SSH2: variants seen among roughly 807,000 people sequenced by gnomAD.
SSH2 encodes slingshot protein phosphatase 2.
SSH2 carries 37 observed loss-of-function variants against 135.2 expected under a neutral mutation model. That is an observed-to-expected ratio of 0.27 (90% CI 0.21 to 0.36). SSH2 has a LOEUF of 0.36. Ranked by LOEUF, SSH2 falls within the 10% of genes least tolerant of loss-of-function variation. The pLI is 1.00. For synonymous variants in SSH2, 628 were observed against 646.2 expected (o/e 0.97, Z 0.43); for missense variants, 1,408 against 1,765.3 (o/e 0.80, Z 3.63).
At chr17:29,832,855 C>A (rs2042872141) in intron 2 of SSH2, among the ~76,000 whole-genome samples, 1 of 151,860 alleles carries the variant, frequency 6.6e-6, no homozygotes, top group Non-Finnish European at 1.5e-5. Context: ...TTAGTAGAGA[C>A]AGAGTTTTAC....
At chr17:29,756,391 C>G (rs986921131) in intron 3 of SSH2, among the ~76,000 whole-genome samples, 1 of 152,030 alleles carries the variant, frequency 6.6e-6, no homozygotes, top group African/African-American at 2.4e-5. Flanking sequence ...CTGCCTCAGT[C>G]TCTTGAGTAG....
rs775729897 is a variant in SSH2 at position 29,702,964 on chromosome 17, T to A, written c.287A>T (p.His96Leu). 1 of 1,612,418 alleles carries A rather than the reference T, an allele frequency of 6.2e-7. No individual in the cohort carries two copies. The highest frequency in any genetic ancestry group is 8.5e-7 in the Non-Finnish European group (1 of 1,178,478). ...TPRISHRRNK[H>L]AGDLQQHLQA... is the part of the protein sequence containing the mutation. ...GGTGTATATGCAAGCATTACCTGCA[T>A]GCTTGTTCCGTCTGTGGCTGATTCT... Residue 96 changes from histidine to leucine, a missense_variant, in exon 4 of 16, where the codon CAT becomes CTT. Transcript: ENST00000540801.
chr17:29,684,558 C>T lies in SSH2; in HGVS notation c.479+5G>A. 2 of 1,607,546 alleles carry T rather than the reference C, an allele frequency of 1.2e-6. No individual in the cohort carries two copies. Among genetic ancestry groups the T allele is most frequent in the Non-Finnish European group, 1.7e-6 (2 of 1,176,534 alleles). On this transcript the variant is annotated splice_donor_5th_base_variant and intron_variant, in intron 6 of 15. Transcript: ENST00000540801. ...TTTTCACATTTTGAAATGGTACCAC[C>T]ATACCTGTCATTAGAGGAGAAATCC...
rs547435649 is a variant in SSH2, at chr17:29,846,461, T to C, written c.144+2388A>G. Among the ~76,000 whole-genome samples the C allele has an allele frequency of 1.0e-3, 158 of 152,244 alleles. 1 individual carries two copies. Among genetic ancestry groups the C allele is most frequent in the Non-Finnish European group, 2.0e-3 (133 of 68,040 alleles). On this transcript the variant is annotated intron_variant, in intron 2 of 15. Transcript: ENST00000540801. Reference sequence around the variant, plus strand: ...ATTTCATGTCAGCACTGCTCCTGCTTATCACACAACACTGGACAAAGATTA... The same window carrying C: ...ATTTCATGTCAGCACTGCTCCTGCTCATCACACAACACTGGACAAAGATTA...
At chr17:29,691,111 C>T (rs547784223) in intron 5 of SSH2, among the ~76,000 whole-genome samples, 38 of 152,026 alleles carry the variant, frequency 2.5e-4, no homozygotes, top group Non-Finnish European at 5.3e-4. Flanking sequence ...AAAAACCCCA[C>T]ATAATACATT....
intron 3 of SSH2, among the ~76,000 whole-genome samples, chr17:29,729,573 GA>G (rs2040112265): frequency 6.6e-6 from 1 of 152,204 alleles, no homozygotes; most frequent in Admixed American, 6.5e-5. Context: ...TATAAAAAGA[GA>G]TATCTGTACT....
intron 2 of SSH2, among the ~76,000 whole-genome samples, chr17:29,835,352 T>C (rs1403218308): frequency 6.6e-6 from 1 of 152,224 alleles, no homozygotes; most frequent in Non-Finnish European, 1.5e-5. Context: ...CAAAACGGCA[T>C]TGCACTGGAC....
intron 5 of SSH2, among the ~76,000 whole-genome samples, chr17:29,688,600 G>T (rs970103790): frequency 6.6e-6 from 1 of 152,010 alleles, no homozygotes; most frequent in Admixed American, 6.6e-5. Context: ...AAAGAGCTGG[G>T]ACCACAAGTG....
At chr17:29,823,532 A>G in intron 2 of SSH2, among the ~76,000 whole-genome samples, 1 of 151,650 alleles carries the variant, frequency 6.6e-6, no homozygotes, top group South Asian at 2.1e-4. Context: ...CTAACATCGA[A>G]CTCCAGGGTA....
intron 3 of SSH2, among the ~76,000 whole-genome samples, chr17:29,768,940 T>A (rs900590911): frequency 6.6e-6 from 1 of 151,994 alleles, no homozygotes; most frequent in African/African-American, 2.4e-5. Context: ...CATGGCCAGG[T>A]GTGGTGGCTC....
intron 1 of SSH2, among the ~76,000 whole-genome samples, chr17:29,879,081 C>T (rs1367752120): frequency 6.6e-6 from 1 of 151,988 alleles, no homozygotes; most frequent in Admixed American, 6.6e-5. Flanking sequence ...AAAATGTGTC[C>T]AGAAGTATAT....
At chr17:29,914,069 C>T (rs1329071477) in intron 1 of SSH2, among the ~76,000 whole-genome samples, 1 of 152,122 alleles carries the variant, frequency 6.6e-6, no homozygotes, top group Non-Finnish European at 1.5e-5. Flanking sequence ...CTGCACAGTC[C>T]TAGTGAAGGG....
At chr17:29,782,121 T>C (rs539798888) in intron 3 of SSH2, among the ~76,000 whole-genome samples, 1 of 152,166 alleles carries the variant, frequency 6.6e-6, no homozygotes, top group East Asian at 1.9e-4. Context: ...GCTGGGATTA[T>C]AGGCACGAGC....
chr17:29,671,277 A>G (rs945901172), intron 9 of SSH2, among the ~76,000 whole-genome samples: 3 of 152,186 alleles, frequency 2.0e-5, no homozygotes, highest in Non-Finnish European at 2.9e-5. Context: ...CAGGAGTTTA[A>G]GACCAGCCTG....
At chr17:29,759,359 T>G (rs1466577087) in intron 3 of SSH2, among the ~76,000 whole-genome samples, 6 of 152,210 alleles carry the variant, frequency 3.9e-5, no homozygotes, top group South Asian at 4.1e-4. Context: ...TTTATTGTGC[T>G]TATTAGGTTG....
chr17:29,882,190 G>A (rs2066150064), intron 1 of SSH2, among the ~76,000 whole-genome samples: 1 of 152,198 alleles, frequency 6.6e-6, no homozygotes, highest in African/African-American at 2.4e-5. Context: ...TGATGGAAGT[G>A]TAAACTAATA....
chr17:29,656,475 C>T (rs1176461693), intron 11 of SSH2, among the ~76,000 whole-genome samples: 1 of 151,940 alleles, frequency 6.6e-6, no homozygotes, highest in Non-Finnish European at 1.5e-5. Flanking sequence ...CGCGCAGGGC[C>T]GCTCACACTC....
chr17:29,882,979 T>C (rs1198257240), intron 1 of SSH2: 2 of 152,180 alleles, frequency 1.3e-5, no homozygotes, highest in African/African-American at 4.8e-5. Context: ...TTTTTCTTAA[T>C]GGCCAAATCA....
chr17:29,882,580 C>T (rs1165413867), intron 1 of SSH2, among the ~76,000 whole-genome samples: 2 of 58,110 alleles, frequency 3.4e-5, no homozygotes, highest in Admixed American at 2.5e-4. Context: ...GGTGAAACCT[C>T]GTCTCTATTA....
Sources: allele counts gnomAD v4.1 joint callset (sites outside exome capture counted in the v4.1 genomes callset), GRCh38; gene constraint gnomAD v4.1.1; transcripts MANE v1.5; gene names NCBI Gene and HGNC (gene_info 2026-07-23, HGNC 2026-07-21).